JAK2: variants seen among roughly 807,000 people sequenced by gnomAD.
JAK2 encodes the protein Janus kinase 2.
In JAK2, 86 loss-of-function variants were observed where a neutral mutation model predicts 139.3. That is an observed-to-expected ratio of 0.62 (90% CI 0.52 to 0.74). The LOEUF (loss-of-function observed/expected upper bound fraction) is 0.74, where lower values mean the gene tolerates loss of function less well. JAK2 is among the 30% of genes least tolerant of loss of function. JAK2 has a pLI of 0.00. For synonymous variants in JAK2, 490 were observed against 437.7 expected (o/e 1.12, Z -1.49); for missense variants, 1,421 against 1,360.3 (o/e 1.04, Z -0.70).
At position 5,069,049 on chromosome 9, in the gene JAK2, T is replaced by C; in HGVS notation, c.1354T>C (p.Cys452Arg). 1.2e-6 allele frequency: 2 copies of C among 1,600,424 alleles called. No homozygotes were observed. The highest frequency in any genetic ancestry group is 1.7e-6 in the Non-Finnish European group (2 of 1,173,092). Residue 452 changes from cysteine to arginine, a missense_variant, in exon 11 of 25, where the codon TGT becomes CGT. By Grantham distance (180) the Cys-to-Arg change is radical. Coordinates refer to ENST00000381652, the MANE Select transcript of JAK2 (RefSeq NM_004972.4). ...AGAAAATGTCATTGAATATAAACACTGTTTGATTACAAAAAATGAGAATGA... is the reference window on the plus strand; with the variant it reads ...AGAAAATGTCATTGAATATAAACACCGTTTGATTACAAAAAATGAGAATGA... ...ERENVIEYKH[C>R]LITKNENEEY...
At chr9:5,124,199 A>G (rs1378478053) in intron 23 of JAK2, among the ~76,000 whole-genome samples, 1 of 151,760 alleles carries the variant, frequency 6.6e-6, no homozygotes, top group Admixed American at 6.6e-5. Context: ...GCTATGCTGA[A>G]ATTTTTTAGC....
chr9:5,084,863 A>G, intron 19 of JAK2: 1 of 390,086 alleles, frequency 2.6e-6, no homozygotes, highest in Non-Finnish European at 4.9e-6. Flanking sequence ...GCAATAAAAC[A>G]AATTGCCCAT....
At chr9:5,110,554 C>A (rs2130793863) in intron 22 of JAK2, 1 of 169,870 alleles carries the variant, frequency 5.9e-6, no homozygotes, top group South Asian at 1.6e-4. Flanking sequence ...CTATTCAAGA[C>A]TTTACCCTTC....
chr9:5,085,660 C>T (rs558024838), intron 19 of JAK2: 10 of 725,318 alleles, frequency 1.4e-5, no homozygotes, highest in Admixed American at 9.3e-5. Flanking sequence ...GTGTGTTTTC[C>T]TTTTCGAGAA....
chr9:5,043,212 A>G (rs369296250), intron 4 of JAK2, among the ~76,000 whole-genome samples: 4 of 152,182 alleles, frequency 2.6e-5, no homozygotes, highest in Admixed American at 6.5e-5. Flanking sequence ...GGCAGTGCCC[A>G]GGGCGGTGGC....
At chr9:5,042,410 T>C (rs1296035981) in intron 4 of JAK2, among the ~76,000 whole-genome samples, 1 of 152,178 alleles carries the variant, frequency 6.6e-6, no homozygotes, top group Non-Finnish European at 1.5e-5. Flanking sequence ...GTGCTGGGAT[T>C]ACAGGCGTGA....
chr9:5,098,388 C>T (rs971530046), intron 22 of JAK2: 1 of 152,178 alleles, frequency 6.6e-6, no homozygotes, highest in African/African-American at 2.4e-5. Context: ...CATCCCCTAT[C>T]ATAGAAGAAC....
chr9:5,112,042 C>A, intron 22 of JAK2: 1 of 409,262 alleles, frequency 2.4e-6, no homozygotes, highest in Non-Finnish European at 4.9e-6. Flanking sequence ...GCCTTATCAC[C>A]CAGCTACGAC....
chr9:5,068,097 T>C (rs1389400311), intron 10 of JAK2, among the ~76,000 whole-genome samples: 1 of 150,834 alleles, frequency 6.6e-6, no homozygotes, highest in African/African-American at 2.4e-5. Flanking sequence ...GAGGTGGAGG[T>C]TGCAGTGAGT....
At chr9:5,035,802 TC>T (rs909618398) in intron 4 of JAK2, among the ~76,000 whole-genome samples, 10 of 152,286 alleles carry the variant, frequency 6.6e-5, no homozygotes, top group African/African-American at 2.4e-4. Context: ...CTGGAAGCAT[TC>T]CCTTTGAAAA....
intron 7 of JAK2, 91 bp from the exon 8 acceptor site, chr9:5,055,578 A>G (rs1395563912): frequency 2.2e-5 from 23 of 1,023,388 alleles, no homozygotes; most frequent in Non-Finnish European, 3.0e-5. Flanking sequence ...TATTTTAAAG[A>G]ATTTGGAAAG....
intron 22 of JAK2, among the ~76,000 whole-genome samples, chr9:5,093,601 C>A (rs904313639): frequency 6.6e-6 from 1 of 152,122 alleles, no homozygotes; most frequent in Non-Finnish European, 1.5e-5. Context: ...ACTATCTCTG[C>A]ATTAAAAATT....
intron 22 of JAK2, chr9:5,112,512 C>T (rs1822695673): frequency 1.8e-6 from 1 of 564,462 alleles, no homozygotes; most frequent in Admixed American, 2.8e-5. Flanking sequence ...ATGACCTTTT[C>T]CCCCCAGAGC....
chr9:5,112,351 C>T, intron 22 of JAK2: 1 of 351,912 alleles, frequency 2.8e-6, no homozygotes, highest in Non-Finnish European at 5.4e-6. Context: ...CTTCCGACTC[C>T]TGCAGTGGGC....
intron 16 of JAK2, 73 bp from the exon 17 acceptor site, chr9:5,080,156 A>C (rs1396366184): frequency 3.6e-5 from 42 of 1,160,846 alleles, no homozygotes; most frequent in Non-Finnish European, 5.0e-5. Context: ...TTTGAACTTT[A>C]AAGCTATTTA....
intron 12 of JAK2, among the ~76,000 whole-genome samples, chr9:5,071,510 C>T (rs970473339): frequency 6.6e-6 from 1 of 151,946 alleles, no homozygotes; most frequent in African/African-American, 2.4e-5. Context: ...TGATAAATAT[C>T]CTCATTGACA....
Position 5,049,780 on chromosome 9 carries a change from A to G in JAK2, c.469-906A>G, listed in dbSNP as rs1030089602. Among the ~76,000 whole-genome samples, 3 of 152,232 alleles carry G rather than the reference A, an allele frequency of 2.0e-5. 1 individual carries two copies. The highest frequency in any genetic ancestry group is 4.1e-4 in the South Asian group (2 of 4,838). On this transcript the variant is annotated intron_variant, in intron 5 of 24. Transcript: ENST00000381652. ...ATGTATTGTACTTATACAAACCTATATGTTATAGCCTAGTATATGCCTAGT... is the reference window on the plus strand; with the variant it reads ...ATGTATTGTACTTATACAAACCTATGTGTTATAGCCTAGTATATGCCTAGT...
chr9:4,993,886 TCC>T (rs1207458542), intron 2 of JAK2, among the ~76,000 whole-genome samples: 1 of 152,220 alleles, frequency 6.6e-6, no homozygotes, highest in African/African-American at 2.4e-5. Context: ...TCCAATTTCC[TCC>T]CACATTCCAA....
At chr9:5,073,590 A>T (rs1180821043) in intron 13 of JAK2, 108 bp from the exon 14 acceptor site, 10 of 815,984 alleles carry the variant, frequency 1.2e-5, no homozygotes, top group Non-Finnish European at 1.8e-5. Flanking sequence ...ATCTATAGTC[A>T]TGCTGAAAGT....
Sources: gnomAD v4.1 joint callset for allele counts (sites outside exome capture counted in the v4.1 genomes callset) on GRCh38, gnomAD v4.1.1 for gene constraint, MANE v1.5 for transcripts, NCBI Gene and HGNC (gene_info 2026-07-23, HGNC 2026-07-21) for gene names.